ESRRG: variants seen among roughly 807,000 people sequenced by gnomAD.
ESRRG encodes estrogen-related receptor gamma.
In ESRRG, 13 loss-of-function variants were observed where a neutral mutation model predicts 44.0. The observed-to-expected ratio is 0.30, with a 90% confidence interval of 0.19 to 0.47. ESRRG has a LOEUF of 0.47. Among genes scored for constraint, ESRRG ranks in the 20% least tolerant of loss-of-function variants. ESRRG has a pLI of 1.00. For missense variants in ESRRG, 395 were observed against 580.6 expected, an observed-to-expected ratio of 0.68 and a Z score of 3.29; for synonymous variants, 215 against 214.6, an observed-to-expected ratio of 1.00 and a Z score of -0.02.
At chr1:216,899,752 G>T (rs1032715372) in intron 2 of ESRRG, among the ~76,000 whole-genome samples, 1 of 152,168 alleles carries the variant, frequency 6.6e-6, no homozygotes, top group Non-Finnish European at 1.5e-5. Context: ...ACATTGATGT[G>T]CTTATGAGGG....
intron 1 of ESRRG, among the ~76,000 whole-genome samples, chr1:217,002,416 T>A (rs2077166691): frequency 6.6e-6 from 1 of 151,874 alleles, no homozygotes; most frequent in Non-Finnish European, 1.5e-5. Context: ...GTCCCTAAAG[T>A]TATATGGGCT....
At chr1:216,781,663 C>T (rs560208947) in intron 2 of ESRRG, among the ~76,000 whole-genome samples, 18 of 152,120 alleles carry the variant, frequency 1.2e-4, no homozygotes, top group African/African-American at 3.9e-4. Flanking sequence ...CAGAAGAGAC[C>T]GCCTTTACAT....
intron 2 of ESRRG, among the ~76,000 whole-genome samples, chr1:216,933,305 G>A (rs186731087): frequency 6.6e-6 from 1 of 152,200 alleles, no homozygotes; most frequent in East Asian, 1.9e-4. Flanking sequence ...CTAATTTAAT[G>A]AGATGGAGCC....
At chr1:217,010,760 C>T (rs918427911) in intron 1 of ESRRG, among the ~76,000 whole-genome samples, 2 of 152,098 alleles carry the variant, frequency 1.3e-5, no homozygotes, top group Admixed American at 6.6e-5. Context: ...TTGAATAAAA[C>T]AGGCAAAGAC....
At chr1:216,624,327 T>C (rs936920237) in intron 3 of ESRRG, among the ~76,000 whole-genome samples, 5 of 152,228 alleles carry the variant, frequency 3.3e-5, no homozygotes, top group Non-Finnish European at 7.3e-5. Context: ...TGTCTAATAA[T>C]AGTAGACAGT....
At chr1:216,510,869 G>A (rs566792067) in intron 6 of ESRRG, among the ~76,000 whole-genome samples, 44 of 151,796 alleles carry the variant, frequency 2.9e-4, no homozygotes, top group African/African-American at 7.3e-4. Context: ...GCCAGACTCC[G>A]TCTCAAAAAA....
chr1:216,949,929 C>T (rs2066682752), intron 1 of ESRRG, among the ~76,000 whole-genome samples: 1 of 152,104 alleles, frequency 6.6e-6, no homozygotes, highest in African/African-American at 2.4e-5. Context: ...TCTCCAGCCT[C>T]AGCCTCCCAA....
chr1:217,010,465 A>G (rs1333002806), intron 1 of ESRRG, among the ~76,000 whole-genome samples: 10 of 152,168 alleles, frequency 6.6e-5, no homozygotes, highest in East Asian at 1.9e-4. Flanking sequence ...CTGAAGACCA[A>G]CTGATTTGTA....
intron 6 of ESRRG, among the ~76,000 whole-genome samples, chr1:216,511,919 TC>T (rs1397264461): frequency 2.0e-5 from 3 of 152,190 alleles, no homozygotes; most frequent in African/African-American, 7.2e-5. Flanking sequence ...ATAATTTTTT[TC>T]AATAGGACAC....
chr1:216,585,272 T>C (rs1042311283), intron 3 of ESRRG, among the ~76,000 whole-genome samples: 3 of 152,346 alleles, frequency 2.0e-5, no homozygotes, highest in Non-Finnish European at 4.4e-5. Flanking sequence ...TATAGACTTA[T>C]ATTAACTCAC....
intron 3 of ESRRG, among the ~76,000 whole-genome samples, chr1:216,615,695 A>G (rs1269067706): frequency 6.6e-6 from 1 of 151,300 alleles, no homozygotes; most frequent in Non-Finnish European, 1.5e-5. Context: ...GAAAGAAGAA[A>G]TACTGTCCAT....
chr1:216,835,950 G>A (rs1032739440), intron 2 of ESRRG, among the ~76,000 whole-genome samples: 5 of 151,944 alleles, frequency 3.3e-5, no homozygotes, highest in African/African-American at 1.2e-4. Context: ...GCCCTAGTTC[G>A]ATAGAGTCCC....
At chr1:217,017,234 C>G (rs1290354394) in intron 1 of ESRRG, among the ~76,000 whole-genome samples, 1 of 152,120 alleles carries the variant, frequency 6.6e-6, no homozygotes. Context: ...CTTTTCACTA[C>G]AGCTTCTACC....
chr1:216,968,868 T>TG (rs1342635321), intron 1 of ESRRG, among the ~76,000 whole-genome samples: 1 of 152,126 alleles, frequency 6.6e-6, no homozygotes, highest in Non-Finnish European at 1.5e-5. Context: ...ATATCTCCAT[T>TG]TATTTAGTTA....
In ESRRG at chr1:216,659,485, A is replaced by G. The variant is rs1252337190; in HGVS notation, c.473-8396T>C. Among the ~76,000 whole-genome samples the G allele has an allele frequency of 2.0e-4, 31 of 152,190 alleles. 1 individual carries two copies. ...GCACACACAGTGCCTATCGCTGGGT[A>G]TGATCTGATTAGAACAGAGGACAAA... On this transcript the variant is annotated intron_variant, in intron 2 of 6. Coordinates refer to ENST00000408911, the MANE Select transcript of ESRRG (RefSeq NM_001438.4).
chr1:216,631,648 C>T (rs1002728410), intron 3 of ESRRG, among the ~76,000 whole-genome samples: 10 of 151,882 alleles, frequency 6.6e-5, no homozygotes, highest in South Asian at 2.1e-4. Flanking sequence ...GATATATGTA[C>T]GTATATAAGT....
chr1:216,933,147 G>C (rs1325336643), intron 2 of ESRRG, among the ~76,000 whole-genome samples: 1 of 152,044 alleles, frequency 6.6e-6, no homozygotes, highest in Non-Finnish European at 1.5e-5. Context: ...CACTTAAAAA[G>C]TGTGCAACAT....
At position 217,047,938 on chromosome 1, in the gene ESRRG, G is replaced by A. The variant is rs185108825; in HGVS notation, c.-106+41569C>T. ...GCCCACATTTCCAGACCACGGTATC[G>A]GGGAAGAAGAAGAAGATGGACAGAG... On this transcript the variant is annotated intron_variant, in intron 1 of 7. Coordinates refer to the ESRRG transcript ENST00000359162. Among the ~76,000 whole-genome samples, 61 of 152,264 alleles carry A rather than the reference G, an allele frequency of 4.0e-4. No individual in the cohort carries two copies. The East Asian group carries it at 8.7e-3, about 22-fold the overall frequency.
intron 1 of ESRRG, among the ~76,000 whole-genome samples, chr1:217,039,191 C>T (rs1558064002): frequency 1.3e-5 from 2 of 152,212 alleles, no homozygotes; most frequent in South Asian, 2.1e-4. Context: ...TCCAAACTTT[C>T]CCACATTTTC....
Sources: allele counts gnomAD v4.1 joint callset (sites outside exome capture counted in the v4.1 genomes callset), GRCh38; gene constraint gnomAD v4.1.1; transcripts MANE v1.5; gene names NCBI Gene and HGNC (gene_info 2026-07-23, HGNC 2026-07-21).